CAPN9: variants seen among roughly 807,000 people sequenced by gnomAD.
CAPN9 encodes calpain-9.
In CAPN9, 81 loss-of-function variants were observed where a neutral mutation model predicts 92.8. The ratio of observed to expected loss-of-function variants is 0.87; its 90% CI spans 0.73 to 1.05. The LOEUF (loss-of-function observed/expected upper bound fraction) is 1.05, where lower values mean the gene tolerates loss of function less well. Ranked by LOEUF, CAPN9 falls within the 50% of genes least tolerant of loss-of-function variation. CAPN9 has a pLI of 0.00. For missense variants in CAPN9, 848 were observed against 866.2 expected (o/e 0.98, Z 0.26); for synonymous variants, 304 against 328.0 (o/e 0.93, Z 0.79).
intron 6 of CAPN9, among the ~76,000 whole-genome samples, chr1:230,770,860 C>A (rs1027606489): frequency 6.6e-6 from 1 of 152,142 alleles, no homozygotes; most frequent in African/African-American, 2.4e-5. Context: ...CCTCTGAATG[C>A]GTGGGGAGTA....
chr1:230,791,000 T>G (rs2102926271), intron 14 of CAPN9, among the ~76,000 whole-genome samples: 1 of 152,346 alleles, frequency 6.6e-6, no homozygotes, highest in Non-Finnish European at 1.5e-5. Flanking sequence ...TGACTGGCTT[T>G]TCTCACATGG....
chr1:230,772,075 A>G lies in CAPN9; in HGVS notation c.851A>G (p.Glu284Gly), dbSNP rs1666418409. 1 of 1,614,196 alleles carries G rather than the reference A, an allele frequency of 6.2e-7. No homozygotes were observed. The part of the protein sequence containing the change: ...IRIRNPWGQV[E>G]WNGSWSDSSP... ...ATCCGGAACCCTTGGGGCCAGGTTGAGTGGAACGGGTCGTGGAGCGACAGG... is the reference window on the plus strand; with the variant it reads ...ATCCGGAACCCTTGGGGCCAGGTTGGGTGGAACGGGTCGTGGAGCGACAGG... Residue 284 changes from glutamate to glycine, a missense_variant, in exon 7 of 20, where the codon GAG (glutamate) becomes GGG (glycine). Physicochemically the swap from Glu to Gly is moderately conservative, Grantham distance 98 (BLOSUM62 -2). Coordinates refer to ENST00000271971, the MANE Select transcript of CAPN9 (RefSeq NM_006615.3).
intron 4 of CAPN9, among the ~76,000 whole-genome samples, chr1:230,765,995 G>T (rs2102860593): frequency 6.6e-6 from 1 of 152,312 alleles, no homozygotes; most frequent in Middle Eastern, 3.4e-3. Context: ...CTGTGGTAAG[G>T]CATGTGGACG....
chr1:230,795,503 C>T, intron 18 of CAPN9: 1 of 468,890 alleles, frequency 2.1e-6, no homozygotes, highest in East Asian at 4.2e-5. Flanking sequence ...TATACATTCA[C>T]AGTGCCTCTG....
chr1:230,750,033 C>T lies in CAPN9; in HGVS notation c.213+2324C>T, dbSNP rs535624760. On this transcript the variant is annotated intron_variant, in intron 1 of 19. Transcript: ENST00000271971. ...TTGTCTCCCCCTTCAGAAGTCTCCC[C>T]TCCTGGGACCAGGGCCACCAAGGCC... is the stretch of plus-strand genomic sequence containing the variant. 2.0e-4 allele frequency among the ~76,000 whole-genome samples: 31 copies of T among 152,314 alleles called. No homozygotes were observed. The East Asian group carries it at 2.5e-3, about 12-fold the overall frequency.
At chr1:230,798,091 G>T in intron 18 of CAPN9, 71 bp from the exon 19 acceptor site, 1 of 1,161,396 alleles carries the variant, frequency 8.6e-7, no homozygotes, top group South Asian at 1.3e-5. Context: ...AAGGCCCTTT[G>T]GTCGCTGGGA....
chr1:230,778,664 G>A (rs28359682), intron 8 of CAPN9, among the ~76,000 whole-genome samples: 7,621 of 152,084 alleles, frequency 0.05, 619 homozygotes, highest in African/African-American at 0.17. Flanking sequence ...CCATCAGTAA[G>A]GGCTTCTCTT....
intron 18 of CAPN9, among the ~76,000 whole-genome samples, chr1:230,797,278 T>C (rs1668418511): frequency 6.6e-6 from 1 of 152,226 alleles, no homozygotes; most frequent in Admixed American, 6.5e-5. Flanking sequence ...CCCTAAATAA[T>C]TTAATAGCAG....
intron 13 of CAPN9, among the ~76,000 whole-genome samples, chr1:230,789,042 T>TG (rs2102920977): frequency 6.6e-6 from 1 of 152,228 alleles, no homozygotes; most frequent in African/African-American, 2.4e-5. Flanking sequence ...CCTCTTTCAG[T>TG]GGGGGCCTGG....
chr1:230,757,015 A>T (rs1214591526), intron 2 of CAPN9, among the ~76,000 whole-genome samples: 1 of 43,580 alleles, frequency 2.3e-5, no homozygotes, highest in African/African-American at 8.0e-5. Flanking sequence ...GGAGGATGGA[A>T]GGAAGGAAGG....
rs181835492 is a variant in CAPN9 at position 230,761,117 on chromosome 1, T to A, written c.402+1487T>A. On this transcript the variant is annotated intron_variant, in intron 3 of 19. Coordinates refer to ENST00000271971, the MANE Select transcript of CAPN9 (RefSeq NM_006615.3). ...AGGAGTTCTGGATCCAGCATCCTTT[T>A]GTGCTGCCAGGGATCATGTGGGGGT... 6.6e-5 allele frequency among the ~76,000 whole-genome samples: 10 copies of A among 152,258 alleles called. No homozygotes were observed. In the East Asian group the frequency reaches 1.9e-3, roughly 29 times the overall value.
At chr1:230,758,614 A>G (rs996728402) in intron 2 of CAPN9, among the ~76,000 whole-genome samples, 7 of 152,200 alleles carry the variant, frequency 4.6e-5, no homozygotes, top group African/African-American at 1.7e-4. Context: ...TCAAACAGCC[A>G]GAAAGGGCCA....
At chr1:230,751,629 AAGAAAGAAAGAAAGAAAGAAAG>A (rs1664819772) in intron 1 of CAPN9, among the ~76,000 whole-genome samples, 1 of 84,606 alleles carries the variant, frequency 1.2e-5, no homozygotes, top group Non-Finnish European at 2.3e-5. Context: ...GAAAGAAAGA[AAGAAAGAAAGAAAGAAAGAAAG>A]AAAGAAAGAA....
chr1:230,751,671 GAAAGAAAGAAAGA>G, intron 1 of CAPN9, among the ~76,000 whole-genome samples: 1 of 47,672 alleles, frequency 2.1e-5, no homozygotes, highest in Non-Finnish European at 4.0e-5. Flanking sequence ...AAGAAAGAAA[GAAAGAAAGAAAGA>G]AGGGTGGCTT....
At chr1:230,763,442 T>C (rs560613297) in intron 4 of CAPN9, among the ~76,000 whole-genome samples, 1 of 152,146 alleles carries the variant, frequency 6.6e-6, no homozygotes, top group Admixed American at 6.5e-5. Flanking sequence ...CACTCTACTT[T>C]CTGTTTTTAT....
At chr1:230,775,967 T>G (rs1470593904) in intron 8 of CAPN9, 1 of 152,002 alleles carries the variant, frequency 6.6e-6, no homozygotes, top group Admixed American at 6.6e-5. Flanking sequence ...TATTCCAGCC[T>G]TTTTCATTCT....
At chr1:230,798,948 C>T (rs1668519124) in intron 19 of CAPN9, among the ~76,000 whole-genome samples, 1 of 152,214 alleles carries the variant, frequency 6.6e-6, no homozygotes, top group Non-Finnish European at 1.5e-5. Flanking sequence ...GAGACATTCT[C>T]CTGCCCAAAG....
At chr1:230,753,104 G>A (rs1242789597) in intron 1 of CAPN9, among the ~76,000 whole-genome samples, 1 of 152,108 alleles carries the variant, frequency 6.6e-6, no homozygotes, top group East Asian at 1.9e-4. Context: ...GCCAAGCCAG[G>A]ACCCCAGAAC....
intron 6 of CAPN9, among the ~76,000 whole-genome samples, chr1:230,769,514 T>C (rs1429222952): frequency 6.6e-6 from 1 of 152,226 alleles, no homozygotes; most frequent in Non-Finnish European, 1.5e-5. Flanking sequence ...TAATTTCCTT[T>C]CTTTCCCAAT....
Sources: allele counts gnomAD v4.1 joint callset (sites outside exome capture counted in the v4.1 genomes callset), GRCh38; gene constraint gnomAD v4.1.1; transcripts MANE v1.5; gene names NCBI Gene and HGNC (gene_info 2026-07-23, HGNC 2026-07-21).